KIAA1328: variants seen among roughly 807,000 people sequenced by gnomAD.
The protein encoded by KIAA1328 is protein hinderin.
A neutral mutation model predicts 68.1 loss-of-function variants in KIAA1328; 52 were observed. The ratio of observed to expected loss-of-function variants is 0.76; its 90% confidence interval spans 0.61 to 0.96. KIAA1328 has a LOEUF of 0.96. Among genes scored for constraint, KIAA1328 ranks in the 40% least tolerant of loss-of-function variants. The probability of loss-of-function intolerance (pLI) is 0.00; values close to 1 mark genes in which losing one functional copy is unlikely to be tolerated. For synonymous variants in KIAA1328, 232 were observed against 239.4 expected (o/e 0.97, Z 0.28); for missense variants, 641 against 677.6 (o/e 0.95, Z 0.60).
chr18:37,218,624 T>C (rs1291994085), intron 9 of KIAA1328, among the ~76,000 whole-genome samples: 1 of 152,252 alleles, frequency 6.6e-6, no homozygotes, highest in South Asian at 2.1e-4. Flanking sequence ...AGCTTATGCA[T>C]GCGTCACGTA....
chr18:37,160,271 C>A lies in KIAA1328; in HGVS notation c.1304C>A (p.Pro435Gln), dbSNP rs1191394345. ...TCTATTAAAAAGCACCAAGACCCCCCAAACAGTGGAGAGAATAGGAAGGAG... is the reference window on the plus strand; with the variant it reads ...TCTATTAAAAAGCACCAAGACCCCCAAAACAGTGGAGAGAATAGGAAGGAG... Reference protein sequence around the residue: ...SSSIKKHQDPPNSGENRKERK... With the variant: ...SSSIKKHQDPQNSGENRKERK... Residue 435 changes from proline (P) to glutamine (Q), a missense_variant, in exon 8 of 10, where the codon CCA becomes CAA. Pro to Gln is a moderately conservative substitution (Grantham distance 76). Transcript: ENST00000280020. The A allele has an allele frequency of 6.2e-7, 1 of 1,613,642 alleles. No individual in the cohort carries two copies. Among genetic ancestry groups the A allele is most frequent in the Non-Finnish European group, 8.5e-7 (1 of 1,179,716 alleles).
intron 5 of KIAA1328, among the ~76,000 whole-genome samples, chr18:36,938,445 A>G (rs768603538): frequency 8.6e-5 from 13 of 151,960 alleles, no homozygotes; most frequent in Middle Eastern, 6.8e-3. Flanking sequence ...ATTTTGATTG[A>G]GTTGTTTGCT....
intron 4 of KIAA1328, among the ~76,000 whole-genome samples, chr18:36,856,284 T>C (rs1272758134): frequency 6.6e-6 from 1 of 152,090 alleles, no homozygotes; most frequent in Non-Finnish European, 1.5e-5. Context: ...TTTCTTTCTC[T>C]CTTCTTCCTT....
At chr18:37,111,767 C>T (rs1044513175) in intron 7 of KIAA1328, among the ~76,000 whole-genome samples, 1 of 152,154 alleles carries the variant, frequency 6.6e-6, no homozygotes, top group African/African-American at 2.4e-5. Context: ...AATTCCCTTT[C>T]CTAGCCAAGG....
At chr18:36,932,663 A>G (rs1024046472) in intron 5 of KIAA1328, among the ~76,000 whole-genome samples, 2 of 152,230 alleles carry the variant, frequency 1.3e-5, no homozygotes, top group Non-Finnish European at 2.9e-5. Context: ...AGCAAATCCT[A>G]AAGTCCCATT....
Position 36,829,130 on chromosome 18 carries a change from T to C in KIAA1328, c.-9T>C. 5 of 1,532,772 alleles carry C rather than the reference T, an allele frequency of 3.3e-6. No homozygotes were observed. Among genetic ancestry groups the C allele is most frequent in the Non-Finnish European group, 4.4e-6 (5 of 1,141,740 alleles). 94.9% of individuals were successfully genotyped at this position (1,532,772 alleles called of 1,614,324 possible). ...CAGGCGCGACGCCCCGAGTGGCGGT[T>C]GTTTCAAGATGGCGGACGTGGCGGG... On this transcript the variant is annotated 5_prime_UTR_variant, in exon 1 of 10. Transcript: ENST00000280020.
chr18:37,000,724 C>CAATA (rs1374463296), intron 6 of KIAA1328, among the ~76,000 whole-genome samples: 1 of 150,994 alleles, frequency 6.6e-6, no homozygotes, highest in Non-Finnish European at 1.5e-5. Context: ...AATTAGAAAT[C>CAATA]AATACCAAGA....
At chr18:36,887,150 C>T (rs1262203427) in intron 5 of KIAA1328, among the ~76,000 whole-genome samples, 1 of 150,542 alleles carries the variant, frequency 6.6e-6, no homozygotes, top group Admixed American at 6.6e-5. Flanking sequence ...ACTTCATTGC[C>T]CTTGGTTGTT....
chr18:37,109,801 G>A (rs1432433109), intron 7 of KIAA1328, among the ~76,000 whole-genome samples: 1 of 152,120 alleles, frequency 6.6e-6, no homozygotes, highest in East Asian at 1.9e-4. Context: ...CTTCCTAGAA[G>A]AAATAATATA....
intron 6 of KIAA1328, among the ~76,000 whole-genome samples, chr18:37,014,475 G>A (rs750468170): frequency 1.5e-4 from 23 of 152,078 alleles, no homozygotes; most frequent in Non-Finnish European, 2.9e-4. Context: ...GTTTGTTCTC[G>A]CATTGCTGTA....
chr18:36,997,734 G>A (rs2053444250), intron 6 of KIAA1328, among the ~76,000 whole-genome samples: 1 of 152,206 alleles, frequency 6.6e-6, no homozygotes, highest in Non-Finnish European at 1.5e-5. Flanking sequence ...TAGGGCTCCT[G>A]TAGCCAGGGC....
At chr18:36,908,432 C>T (rs1163080378) in intron 5 of KIAA1328, among the ~76,000 whole-genome samples, 1 of 152,162 alleles carries the variant, frequency 6.6e-6, no homozygotes, top group African/African-American at 2.4e-5. Context: ...CTCTAGCTCA[C>T]TCGCTCAAGC....
At chr18:36,835,118 A>G (rs1002430144) in intron 2 of KIAA1328, 116 bp from the exon 3 acceptor site, 7 of 709,200 alleles carry the variant, frequency 9.9e-6, no homozygotes, top group Non-Finnish European at 1.6e-5. Context: ...TTATAAAGTA[A>G]GAGAGTTTCC....
chr18:36,894,019 A>G (rs1487732670), intron 5 of KIAA1328, among the ~76,000 whole-genome samples: 2 of 152,140 alleles, frequency 1.3e-5, no homozygotes, highest in African/African-American at 4.8e-5. Context: ...TTTAATCTTC[A>G]TAATAGCCTG....
chr18:36,992,162 C>T (rs993481412), intron 6 of KIAA1328, among the ~76,000 whole-genome samples: 1 of 152,092 alleles, frequency 6.6e-6, no homozygotes, highest in South Asian at 2.1e-4. Flanking sequence ...AGATGTTAAA[C>T]CTTTGTTGGT....
intron 5 of KIAA1328, among the ~76,000 whole-genome samples, chr18:36,912,164 A>G (rs2071042993): frequency 6.6e-6 from 1 of 152,154 alleles, no homozygotes; most frequent in African/African-American, 2.4e-5. Context: ...TACAGTATCA[A>G]TTACCACAAA....
intron 6 of KIAA1328, among the ~76,000 whole-genome samples, chr18:36,997,896 G>T (rs548012282): frequency 2.8e-4 from 43 of 152,266 alleles, no homozygotes; most frequent in Admixed American, 3.3e-4. Context: ...ACCAGAGCTG[G>T]GGAGTGAACC....
intron 9 of KIAA1328, among the ~76,000 whole-genome samples, chr18:37,180,382 A>G (rs1052849635): frequency 6.6e-6 from 1 of 152,184 alleles, no homozygotes; most frequent in Non-Finnish European, 1.5e-5. Context: ...CAACTTTCAA[A>G]GTTTTTTCAT....
At chr18:36,872,101 C>T (rs72885298) in intron 4 of KIAA1328, among the ~76,000 whole-genome samples, 1 of 152,010 alleles carries the variant, frequency 6.6e-6, no homozygotes, top group Non-Finnish European at 1.5e-5. Context: ...TTCAGGAAGA[C>T]GAGCAACATA....
Sources: gnomAD v4.1 joint callset for allele counts (sites outside exome capture counted in the v4.1 genomes callset) on GRCh38, gnomAD v4.1.1 for gene constraint, MANE v1.5 for transcripts, NCBI Gene and HGNC (gene_info 2026-07-23, HGNC 2026-07-21) for gene names.